Variants in RANBP3 observed in about 807,000 individuals in gnomAD.
The protein encoded by RANBP3 is RAN binding protein 3, also known as ran-binding protein 3.
In RANBP3, 14 loss-of-function variants were observed where a neutral mutation model predicts 77.3. That is an observed-to-expected ratio of 0.18 (90% confidence interval 0.12 to 0.28). The LOEUF is 0.28. RANBP3 is among the 10% of genes least tolerant of loss of function. The pLI is 1.00. For synonymous variants in RANBP3, 315 were observed against 312.4 expected, an observed-to-expected ratio of 1.01 and a Z score of -0.09; for missense variants, 586 against 752.3, an observed-to-expected ratio of 0.78 and a Z score of 2.59.
At chr19:5,933,831 G>T (rs1057047601) in intron 5 of RANBP3, 3 of 195,690 alleles carry the variant, frequency 1.5e-5, no homozygotes, top group Non-Finnish European at 3.1e-5. Flanking sequence ...AGGGAGCCAC[G>T]GAACACAGGC....
intron 6 of RANBP3, 149 bp downstream of exon 6, chr19:5,933,265 C>G: frequency 3.2e-6 from 2 of 624,874 alleles, no homozygotes; most frequent in East Asian, 6.1e-5. Context: ...GACAGCCTCT[C>G]TTTAAAGGAA....
In RANBP3 at chr19:5,917,375, G is replaced by T; in HGVS notation, c.*235C>A. 1 of 527,194 alleles carries T rather than the reference G, an allele frequency of 1.9e-6. No homozygotes were observed. Among genetic ancestry groups the T allele is most frequent in the Non-Finnish European group, 3.4e-6 (1 of 296,962 alleles). The allele number at this position is 527,194 out of a possible 1,614,324, so 32.7% of individuals were successfully genotyped here. A position where few individuals can be genotyped will look rare whatever the true frequency, so the allele number is the denominator to read the frequency against. On this transcript the variant is annotated 3_prime_UTR_variant, in exon 17 of 17. Coordinates refer to ENST00000340578, the MANE Select transcript of RANBP3 (RefSeq NM_007322.3). ...ATTTCAATTCAAAGGAGGGGAGGGA[G>T]GAAATGTTCTTGTTTGTTCGCTCAT...
chr19:5,933,030 G>C, intron 6 of RANBP3: 1 of 260,562 alleles, frequency 3.8e-6, no homozygotes. Flanking sequence ...ACTAGCAGCC[G>C]GCTCACTAGC....
At chr19:5,940,345 A>G (rs1276169260) in intron 5 of RANBP3, among the ~76,000 whole-genome samples, 1 of 152,154 alleles carries the variant, frequency 6.6e-6, no homozygotes, top group Non-Finnish European at 1.5e-5. Context: ...CAGGAAGTGG[A>G]GCTCCCTCAT....
Position 5,931,548 on chromosome 19 carries a change from G to A in RANBP3, c.566-17C>T, listed in dbSNP as rs773096911. 2 of 1,598,098 alleles carry A rather than the reference G, an allele frequency of 1.3e-6. No individual in the cohort carries two copies. Among genetic ancestry groups the A allele is most frequent in the Admixed American group, 3.4e-5 (2 of 59,224 alleles). On this transcript the variant is annotated splice_polypyrimidine_tract_variant and intron_variant, in intron 7 of 16. Transcript: ENST00000340578. ...TGCTGGGGACTGTGGGAGGGAAGGA[G>A]AGTGGGGAATCACAGGTGCTTGGCG...
At chr19:5,937,893 C>A (rs1181246370) in intron 5 of RANBP3, among the ~76,000 whole-genome samples, 4 of 152,142 alleles carry the variant, frequency 2.6e-5, no homozygotes, top group Admixed American at 2.0e-4. Context: ...TCCAGACACA[C>A]GGCTTTAGTA....
intron 3 of RANBP3, among the ~76,000 whole-genome samples, chr19:5,944,382 T>C (rs2058177234): frequency 6.6e-6 from 1 of 152,150 alleles, no homozygotes; most frequent in Non-Finnish European, 1.5e-5. Context: ...TTGGGTGACA[T>C]CTGTGGGGTG....
In RANBP3 at chr19:5,917,814, G is replaced by A. The variant is rs548899050; in HGVS notation, c.1640C>T (p.Pro547Leu). ...CTCACCAGCTGCGGTGGCCCCTGAAGGAGCCAGGACATCGTCATCGTCGCT... is the reference window on the plus strand; with the variant it reads ...CTCACCAGCTGCGGTGGCCCCTGAAAGAGCCAGGACATCGTCATCGTCGCT... ...DDSDDDDVLA[P>L]SGATAAGAGD... The change falls in exon 16 of 17, where the codon CCT becomes CTT. Residue 547 changes from proline to leucine, a missense_variant. Transcript: ENST00000340578. The A allele has an allele frequency of 3.1e-5, 50 of 1,611,204 alleles. No homozygotes were observed. The highest frequency in any genetic ancestry group is 4.5e-5 in the East Asian group (2 of 44,858).
Position 5,951,408 on chromosome 19 carries a change from C to T in RANBP3, c.267G>A (p.Pro89=), listed in dbSNP as rs199512652. Residue 89 remains proline, a synonymous_variant, in exon 3 of 17, where the codon CCG becomes CCA. Transcript: ENST00000340578. ...PAPEAQLPPF[P]RELAGRSAGG... ...GTGGACTTACCCCTGCCAGTTCTCG[C>T]GGAAAAGGAGGAAGCTGGGCTTCAG... 7.3e-5 allele frequency: 114 copies of T among 1,561,840 alleles called. No individual in the cohort carries two copies. Among genetic ancestry groups the T allele is most frequent in the South Asian group, 4.3e-4 (37 of 85,568 alleles).
chr19:5,932,617 C>T (rs2058008803), intron 6 of RANBP3, 73 bp from the exon 7 acceptor site: 1 of 1,219,824 alleles, frequency 8.2e-7, no homozygotes, highest in Non-Finnish European at 1.2e-6. Context: ...AGACTGACCC[C>T]TGGCATCCCA....
intron 5 of RANBP3, among the ~76,000 whole-genome samples, chr19:5,938,165 T>C (rs773138402): frequency 6.6e-6 from 1 of 152,194 alleles, no homozygotes; most frequent in Non-Finnish European, 1.5e-5. Flanking sequence ...GACACGGACA[T>C]CACGCCAGCA....
At chr19:5,929,123 C>T (rs1001912540) in intron 8 of RANBP3, among the ~76,000 whole-genome samples, 1 of 152,154 alleles carries the variant, frequency 6.6e-6, no homozygotes, top group African/African-American at 2.4e-5. Flanking sequence ...CGGATCACAG[C>T]GCTGAGGGCA....
chr19:5,955,150 G>A (rs1234432321), intron 2 of RANBP3, among the ~76,000 whole-genome samples: 1 of 151,856 alleles, frequency 6.6e-6, no homozygotes, highest in South Asian at 2.1e-4. Context: ...AATTTTTTTT[G>A]AGATGGAGTC....
intron 5 of RANBP3, among the ~76,000 whole-genome samples, chr19:5,937,407 A>G (rs1354587873): frequency 1.3e-5 from 2 of 152,182 alleles, no homozygotes; most frequent in Admixed American, 6.5e-5. Context: ...CAACTGAGAC[A>G]CTTCTACCCA....
chr19:5,939,077 C>T (rs2058101440), intron 5 of RANBP3, among the ~76,000 whole-genome samples: 1 of 151,648 alleles, frequency 6.6e-6, no homozygotes, highest in African/African-American at 2.4e-5. Flanking sequence ...CCCAGCTACT[C>T]GGGAAGCTGA....
rs904298025 is a variant in RANBP3, at chr19:5,921,074, C to A, written c.1330+127G>T. 1.0e-4 allele frequency: 130 copies of A among 1,265,392 alleles called. No individual in the cohort carries two copies. In the African/African-American group the frequency reaches 1.8e-3, roughly 17 times the overall value. 78.4% of individuals were successfully genotyped at this position (1,265,392 alleles called of 1,614,324 possible). A position where few individuals can be genotyped will look rare whatever the true frequency, so the allele number is the denominator to read the frequency against. ...TTGGGGGGCGGCTCTCATGGGAGAC[C>A]GACTCTGTGCCTTGACTCTCACAAG... On this transcript the variant is annotated intron_variant, in intron 14 of 16. Transcript: ENST00000340578. The surrounding 1 kb of genome is among the most constrained non-coding windows in gnomAD (Gnocchi z 5.3).
At chr19:5,935,703 C>T in intron 5 of RANBP3, 1 of 456,692 alleles carries the variant, frequency 2.2e-6, no homozygotes, top group Non-Finnish European at 4.4e-6. Flanking sequence ...AGTGCTAGGC[C>T]CAGAGCGTGG....
At chr19:5,923,042 C>T (rs2057846179) in intron 13 of RANBP3, 152 bp downstream of exon 13, 1 of 635,780 alleles carries the variant, frequency 1.6e-6, no homozygotes, top group Non-Finnish European at 2.8e-6. Context: ...TCTACAAACG[C>T]CACCAACAAA....
chr19:5,957,893 A>G (rs757011883), intron 2 of RANBP3, 25 bp downstream of exon 2: 5 of 1,612,762 alleles, frequency 3.1e-6, no homozygotes, highest in Non-Finnish European at 4.2e-6. Context: ...TAACGAAGTG[A>G]AGAGAGAACG....
Sources: gnomAD v4.1 joint callset for allele counts (sites outside exome capture counted in the v4.1 genomes callset) on GRCh38, gnomAD v4.1.1 for gene constraint, Gnocchi (gnomAD v3.1) non-coding constraint, MANE v1.5 for transcripts, NCBI Gene and HGNC (gene_info 2026-07-23, HGNC 2026-07-21) for gene names.